The following RABGAP1L variants were observed in gnomAD, a reference collection of about 807,000 sequenced individuals.
RABGAP1L encodes the protein rab GTPase-activating protein 1-like.
RABGAP1L carries 63 observed loss-of-function variants against 137.7 expected under a neutral mutation model. The ratio of observed to expected loss-of-function variants is 0.46; its 90% CI spans 0.37 to 0.56. RABGAP1L has a LOEUF of 0.56. Among genes scored for constraint, RABGAP1L ranks in the 20% least tolerant of loss-of-function variants. The probability of loss-of-function intolerance (pLI) is 0.00; values close to 1 mark genes in which losing one functional copy is unlikely to be tolerated. For missense variants in RABGAP1L, 1,095 were observed against 1,244.0 expected (o/e 0.88, Z 1.80); for synonymous variants, 431 against 433.7 (o/e 0.99, Z 0.08).
Position 174,769,344 on chromosome 1 carries a change from C to T in RABGAP1L, c.2211+16990C>T, listed in dbSNP as rs1685929411. Among the ~76,000 whole-genome samples the T allele has an allele frequency of 2.0e-5, 3 of 151,808 alleles. No individual in the cohort carries two copies. In the South Asian group the frequency reaches 6.3e-4, roughly 32 times the overall value. ...GGGCCACAGGAGCAGTTGGTGGGTC[C>T]AGGTGGAGCCATTGGTGTCATGCAA... On this transcript the variant is annotated intron_variant, in intron 18 of 25. Transcript: ENST00000681986.
intron 18 of RABGAP1L, among the ~76,000 whole-genome samples, chr1:174,773,923 T>A (rs575450096): frequency 1.3e-5 from 2 of 152,338 alleles, no homozygotes; most frequent in South Asian, 4.1e-4. Context: ...CACTGCCCAA[T>A]ATGTTTTTAT....
chr1:174,198,617 T>C (rs936765416), intron 1 of RABGAP1L, among the ~76,000 whole-genome samples: 20 of 152,342 alleles, frequency 1.3e-4, no homozygotes, highest in African/African-American at 4.1e-4. Context: ...GATTTTCTGA[T>C]AGCAACAGGG....
At chr1:174,529,117 C>T (rs1664176138) in intron 13 of RABGAP1L, among the ~76,000 whole-genome samples, 1 of 150,494 alleles carries the variant, frequency 6.6e-6, no homozygotes, top group African/African-American at 2.5e-5. Context: ...TGATAATTTT[C>T]ATTTTCTGGG....
rs1228596726 is a variant in RABGAP1L, at chr1:174,631,617, T to A, written c.1711-5758T>A. ...ATATATTTAGGATAGTTAGCTCCTC[T>A]TGTTGAATTGATCCCTTTACCATTA... On this transcript the variant is annotated intron_variant, in intron 13 of 25. Transcript: ENST00000681986. 1.1e-4 allele frequency among the ~76,000 whole-genome samples: 10 copies of A among 90,618 alleles called. No individual in the cohort carries two copies. The South Asian group carries it at 4.5e-3, about 41-fold the overall frequency. The allele number at this position is 90,618 out of a possible 152,430, so 59.4% of individuals were successfully genotyped here.
chr1:174,494,959 G>A (rs929784005), intron 13 of RABGAP1L, among the ~76,000 whole-genome samples: 1 of 152,150 alleles, frequency 6.6e-6, no homozygotes, highest in Non-Finnish European at 1.5e-5. Context: ...CTACAGGGCA[G>A]GGAAGACACC....
rs894139364 is a variant in RABGAP1L, at chr1:174,322,741, G to T, written c.1465+17614G>T. Among the ~76,000 whole-genome samples, 14 of 152,082 alleles carry T rather than the reference G, an allele frequency of 9.2e-5. No homozygotes were observed. The South Asian group carries it at 1.0e-3, about 11-fold the overall frequency. Reference sequence around the variant, plus strand: ...GAAGACTTCCAAGAACAGTGATGGGGTCATCTCTATCTCAGCTGACATGAA... The same window carrying T: ...GAAGACTTCCAAGAACAGTGATGGGTTCATCTCTATCTCAGCTGACATGAA... On this transcript the variant is annotated intron_variant, in intron 11 of 25. Transcript: ENST00000681986.
intron 11 of RABGAP1L, among the ~76,000 whole-genome samples, chr1:174,365,738 A>G (rs917563549): frequency 5.9e-5 from 9 of 152,214 alleles, no homozygotes; most frequent in Admixed American, 6.5e-5. Flanking sequence ...TCAGCAACTC[A>G]TGACTGTCTC....
intron 18 of RABGAP1L, among the ~76,000 whole-genome samples, chr1:174,807,509 AAG>A (rs1194991345): frequency 6.6e-6 from 1 of 152,236 alleles, no homozygotes; most frequent in African/African-American, 2.4e-5. Context: ...TCAGCAAATG[AAG>A]AGTTATCTCT....
chr1:174,855,384 C>T (rs1294112954), intron 19 of RABGAP1L, among the ~76,000 whole-genome samples: 3 of 152,164 alleles, frequency 2.0e-5, no homozygotes, highest in Non-Finnish European at 2.9e-5. Context: ...CAGTTGTGCT[C>T]TGTGGAACAC....
intron 4 of RABGAP1L, 85 bp downstream of exon 4, chr1:174,231,440 CT>C: frequency 7.9e-7 from 1 of 1,262,572 alleles, no homozygotes; most frequent in South Asian, 1.2e-5. Flanking sequence ...AGGTGTAGAA[CT>C]TACTGTGAAC....
chr1:174,328,005 A>ATATG lies in RABGAP1L; in HGVS notation c.1465+22881_1465+22882insGTAT, dbSNP rs1680686496. Among the ~76,000 whole-genome samples, 4 of 136,664 alleles carry ATATG rather than the reference A, an allele frequency of 2.9e-5. 1 individual carries two copies. Among genetic ancestry groups the ATATG allele is most frequent in the African/African-American group, 1.2e-4 (4 of 34,592 alleles). 89.7% of individuals were successfully genotyped at this position (136,664 alleles called of 152,430 possible). ...CACACACATATATATATATATATAT[A>ATATG]TATATATATATATATATATACCCAA... On this transcript the variant is annotated intron_variant, in intron 11 of 25. Transcript: ENST00000681986.
intron 17 of RABGAP1L, among the ~76,000 whole-genome samples, chr1:174,717,145 C>T (rs1384185832): frequency 2.6e-5 from 4 of 152,284 alleles, no homozygotes; most frequent in Non-Finnish European, 5.9e-5. Flanking sequence ...TGCAGTGGCT[C>T]AGGCCTGTAA....
At chr1:174,252,919 G>T (rs1280931377) in intron 7 of RABGAP1L, among the ~76,000 whole-genome samples, 1 of 151,992 alleles carries the variant, frequency 6.6e-6, no homozygotes, top group Admixed American at 6.6e-5. Context: ...CCACTTAGCT[G>T]CTGGAATTTC....
intron 1 of RABGAP1L, among the ~76,000 whole-genome samples, chr1:174,171,810 G>A (rs944297408): frequency 6.6e-6 from 1 of 151,942 alleles, no homozygotes; most frequent in Non-Finnish European, 1.5e-5. Flanking sequence ...AGACCAGCCT[G>A]ACCAAAATGG....
intron 14 of RABGAP1L, among the ~76,000 whole-genome samples, chr1:174,651,047 T>G (rs1675441969): frequency 6.6e-6 from 1 of 151,744 alleles, no homozygotes; most frequent in Non-Finnish European, 1.5e-5. Context: ...TTTGTTCTCG[T>G]TGGTTTCAAA....
rs1463201894 is a variant in RABGAP1L at position 174,252,471 on chromosome 1, A to G, written c.876-9A>G. 1 of 1,606,080 alleles carries G rather than the reference A, an allele frequency of 6.2e-7. No homozygotes were observed. The highest frequency in any genetic ancestry group is 8.5e-7 in the Non-Finnish European group (1 of 1,177,876). The stretch of plus-strand genomic sequence containing the variant: ...TATTGGTAATTCCTATTCCTTTTGA[A>G]TATTTCAGCCCTGTGCCTAAGGATA... On this transcript the variant is annotated splice_polypyrimidine_tract_variant and intron_variant, in intron 6 of 25. Coordinates refer to ENST00000681986, the MANE Select transcript of RABGAP1L (RefSeq NM_001366446.1).
At chr1:174,857,072 T>C (rs565923959) in intron 19 of RABGAP1L, among the ~76,000 whole-genome samples, 3 of 152,280 alleles carry the variant, frequency 2.0e-5, no homozygotes, top group Admixed American at 1.3e-4. Context: ...TTAAATCAAG[T>C]GGTATAAAAT....
At chr1:174,933,718 C>T (rs531404638) in intron 19 of RABGAP1L, among the ~76,000 whole-genome samples, 1 of 152,184 alleles carries the variant, frequency 6.6e-6, no homozygotes, top group Admixed American at 6.5e-5. Context: ...TGTTTGAGAC[C>T]CTCTATCCAA....
At chr1:174,454,992 A>G (rs1449757406) in intron 13 of RABGAP1L, among the ~76,000 whole-genome samples, 3 of 152,198 alleles carry the variant, frequency 2.0e-5, no homozygotes, top group Non-Finnish European at 4.4e-5. Flanking sequence ...AGAATTCTCC[A>G]AAGAACATAT....
Sources: gnomAD v4.1 joint callset for allele counts (sites outside exome capture counted in the v4.1 genomes callset) on GRCh38, gnomAD v4.1.1 for gene constraint, MANE v1.5 for transcripts, NCBI Gene and HGNC (gene_info 2026-07-23, HGNC 2026-07-21) for gene names.